ARHGEF4: variants seen among roughly 807,000 people sequenced by gnomAD.
ARHGEF4 encodes APC-stimulated guanine nucleotide exchange factor 1.
A neutral mutation model predicts 162.0 loss-of-function variants in ARHGEF4; 119 were observed. The ratio of observed to expected loss-of-function variants is 0.73; its 90% CI spans 0.63 to 0.86. The LOEUF is 0.86. ARHGEF4 is among the 40% of genes least tolerant of loss of function. The pLI, the probability that ARHGEF4 is intolerant of heterozygous loss-of-function variation, is 0.00. For synonymous variants in ARHGEF4, 1,014 were observed against 979.9 expected, an observed-to-expected ratio of 1.03 and a Z score of -0.65; for missense variants, 2,488 against 2,456.0, an observed-to-expected ratio of 1.01 and a Z score of -0.28.
In ARHGEF4 at chr2:130,914,816, G is replaced by A. The variant is rs575113231; in HGVS notation, c.870G>A (p.Ser290=). 169 of 1,452,028 alleles carry A rather than the reference G, an allele frequency of 1.2e-4. No individual in the cohort carries two copies. Among genetic ancestry groups the A allele is most frequent in the African/African-American group, 7.3e-4 (51 of 70,024 alleles). 89.9% of individuals were successfully genotyped at this position (1,452,028 alleles called of 1,614,324 possible). ...DTELLWSQPH[S]DVPCQPPLRT... is the part of the protein sequence containing the mutation. Reference sequence around the variant, plus strand: ...AATTGCTCTGGTCCCAGCCCCACTCGGATGTCCCCTGCCAGCCTCCTTTGA... The same window carrying A: ...AATTGCTCTGGTCCCAGCCCCACTCAGATGTCCCCTGCCAGCCTCCTTTGA... Residue 290 remains serine (S), a synonymous_variant, in exon 2 of 14, where the codon TCG becomes TCA. Transcript: ENST00000409359.
intron 4 of ARHGEF4, among the ~76,000 whole-genome samples, chr2:130,962,899 A>C (rs1684717843): frequency 1.3e-5 from 2 of 152,082 alleles, no homozygotes. Flanking sequence ...AAGGGAGACC[A>C]AGTCTCCCAC....
At chr2:131,038,347 GCCCT>G (rs1394961902) in intron 5 of ARHGEF4, among the ~76,000 whole-genome samples, 1 of 111,508 alleles carries the variant, frequency 9.0e-6, no homozygotes, top group Non-Finnish European at 1.9e-5. Flanking sequence ...CAGCCCCCAG[GCCCT>G]CCCTCCTGCA....
chr2:131,028,005 A>T lies in ARHGEF4; in HGVS notation c.4046A>T (p.Asp1349Val). ...VCADEVGSEE[D>V]LYDDLHSSSH... ...GCTGACGAAGTGGGGAGCGAGGAGG[A>T]CCTGTATGATGACCTGCACAGCTCC... Residue 1349 changes from aspartate to valine, a missense_variant, in exon 5 of 14, where the codon GAC becomes GTC. Asp to Val is a radical substitution (Grantham distance 152, BLOSUM62 -3). This residue lies in a region of ARHGEF4 where 1,642 missense variants were observed against 1,481.5 expected (regional missense o/e 1.11). Transcript: ENST00000409359. 6.2e-7 allele frequency: 1 copy of T among 1,613,908 alleles called. No homozygotes were observed. The highest frequency in any genetic ancestry group is 1.1e-5 in the South Asian group (1 of 91,060).
intron 1 of ARHGEF4, among the ~76,000 whole-genome samples, chr2:130,913,338 A>G (rs1250892699): frequency 6.6e-6 from 1 of 152,256 alleles, no homozygotes; most frequent in African/African-American, 2.4e-5. Context: ...TGCATTTTAA[A>G]TGGATGCTTG....
At position 131,041,884 on chromosome 2, in the gene ARHGEF4, G is replaced by A. The variant is rs142845665; in HGVS notation, c.4965G>A (p.Lys1655=). 4.1e-5 allele frequency: 66 copies of A among 1,613,662 alleles called. No individual in the cohort carries two copies. The highest frequency in any genetic ancestry group is 5.0e-5 in the Non-Finnish European group (59 of 1,180,020). ...TGGCCCAGCTCATCAACGAGCGGAA[G>A]CGGAGACTTGAGAACATCGACAAGA... ...KNVAQLINER[K]RRLENIDKIA... The change falls in exon 10 of 14, where the codon AAG becomes AAA. Residue 1655 remains lysine, a synonymous_variant. Coordinates refer to ENST00000409359, the MANE Select transcript of ARHGEF4 (RefSeq NM_001367493.1).
chr2:131,018,620 A>G (rs774588513), intron 4 of ARHGEF4, among the ~76,000 whole-genome samples: 9 of 151,868 alleles, frequency 5.9e-5, no homozygotes, highest in Non-Finnish European at 1.2e-4. Flanking sequence ...CAATTTACCT[A>G]TTTTTTTCCT....
At chr2:131,003,773 A>G (rs756186806) in intron 4 of ARHGEF4, among the ~76,000 whole-genome samples, 8 of 152,342 alleles carry the variant, frequency 5.3e-5, no homozygotes, top group East Asian at 3.8e-4. Context: ...ACATCTGACA[A>G]CATAGCCTAG....
At chr2:130,965,968 G>A (rs903960927) in intron 4 of ARHGEF4, among the ~76,000 whole-genome samples, 3 of 152,146 alleles carry the variant, frequency 2.0e-5, no homozygotes, top group African/African-American at 7.2e-5. Context: ...CAATGGCAGG[G>A]CAGGGTTTAA....
At position 131,044,531 on chromosome 2, in the gene ARHGEF4, A is replaced by G. The variant is rs1171561715; in HGVS notation, c.5390A>G (p.Asp1797Gly). The change falls in exon 12 of 14, where the codon GAC becomes GGC. Residue 1797 changes from aspartate to glycine, a missense_variant. By Grantham distance (94) the Asp-to-Gly change is moderately conservative. Around this residue, in one of 6 missense-constraint regions of ARHGEF4, gnomAD observed 415 missense variants for 512.4 expected, o/e 0.81. Coordinates refer to ENST00000409359, the MANE Select transcript of ARHGEF4 (RefSeq NM_001367493.1). ...AGGGAGAGGGAGCAGGTGCAGCTGGACCAGGAGACAGGTTCGAGACCCTGC... is the reference window on the plus strand; with the variant it reads ...AGGGAGAGGGAGCAGGTGCAGCTGGGCCAGGAGACAGGTTCGAGACCCTGC... ...FAREREQVQL[D>G]QETGFSITEL... 6.4e-7 allele frequency: 1 copy of G among 1,550,488 alleles called. No homozygotes were observed. Among genetic ancestry groups the G allele is most frequent in the Admixed American group, 2.0e-5 (1 of 51,040 alleles).
intron 8 of ARHGEF4, 103 bp downstream of exon 8, chr2:131,040,543 C>A: frequency 7.7e-7 from 1 of 1,306,224 alleles, no homozygotes; most frequent in Non-Finnish European, 1.0e-6. Context: ...CCTTCCACAA[C>A]GCCTGGGCCC....
At chr2:131,027,539 C>T (rs1293353277) in intron 4 of ARHGEF4, among the ~76,000 whole-genome samples, 1 of 152,126 alleles carries the variant, frequency 6.6e-6, no homozygotes, top group Non-Finnish European at 1.5e-5. Context: ...ATGTATGTAA[C>T]TATGTTTTCT....
At chr2:130,999,227 T>C (rs1307445718) in intron 4 of ARHGEF4, among the ~76,000 whole-genome samples, 4 of 151,686 alleles carry the variant, frequency 2.6e-5, no homozygotes, top group East Asian at 3.9e-4. Flanking sequence ...GGCGCGATCT[T>C]GGCTCACTGC....
At chr2:131,029,147 G>C (rs1367663475) in intron 5 of ARHGEF4, among the ~76,000 whole-genome samples, 1 of 152,078 alleles carries the variant, frequency 6.6e-6, no homozygotes, top group African/African-American at 2.4e-5. Flanking sequence ...TATCACCTGA[G>C]ATCAGGAGTT....
intron 1 of ARHGEF4, among the ~76,000 whole-genome samples, chr2:130,887,236 C>T (rs1679578248): frequency 6.6e-6 from 1 of 151,676 alleles, no homozygotes; most frequent in African/African-American, 2.4e-5. Context: ...GAGGCTGAGG[C>T]AGGAGGATGG....
Position 131,046,467 on chromosome 2 carries a change from T to C in ARHGEF4, c.*278T>C. 2.4e-6 allele frequency: 1 copy of C among 410,646 alleles called. No individual in the cohort carries two copies. 25.4% of individuals were successfully genotyped at this position (410,646 alleles called of 1,614,324 possible). A position where few individuals can be genotyped will look rare whatever the true frequency, so the allele number is the denominator to read the frequency against. Reference sequence around the variant, plus strand: ...CCGCCCTCTGGACCTGTGTAGGGCCTCACTGCTGGAGCGGGGAAACCGCAG... The same window carrying C: ...CCGCCCTCTGGACCTGTGTAGGGCCCCACTGCTGGAGCGGGGAAACCGCAG... On this transcript the variant is annotated 3_prime_UTR_variant, in exon 14 of 14. Transcript: ENST00000409359.
intron 13 of ARHGEF4, chr2:131,045,650 T>G: frequency 2.6e-6 from 4 of 1,513,048 alleles, no homozygotes; most frequent in Non-Finnish European, 3.5e-6. Context: ...ATTCTTACTC[T>G]CAACACCTTG....
At chr2:130,963,524 G>A (rs575718974) in intron 4 of ARHGEF4, 187 of 152,088 alleles carry the variant, frequency 1.2e-3, no homozygotes, top group Non-Finnish European at 2.0e-3. Flanking sequence ...GAGCCTGGGC[G>A]TCGCCTCCTA....
intron 4 of ARHGEF4, among the ~76,000 whole-genome samples, chr2:130,977,155 C>T (rs937743924): frequency 4.7e-5 from 7 of 149,832 alleles, no homozygotes; most frequent in Admixed American, 2.0e-4. Flanking sequence ...TAGTGTGTAG[C>T]GTGTTGTGCT....
chr2:130,939,148 A>G (rs1289478900), intron 3 of ARHGEF4, among the ~76,000 whole-genome samples: 3 of 152,192 alleles, frequency 2.0e-5, no homozygotes, highest in African/African-American at 7.2e-5. Flanking sequence ...GAGTGAGAAC[A>G]TGTGGTATTT....
Sources: gnomAD v4.1 joint callset for allele counts (sites outside exome capture counted in the v4.1 genomes callset) on GRCh38, gnomAD v4.1.1 for gene constraint, gnomAD v4.1.1 regional missense constraint, MANE v1.5 for transcripts, NCBI Gene and HGNC (gene_info 2026-07-23, HGNC 2026-07-21) for gene names.